RORA: variants seen among roughly 807,000 people sequenced by gnomAD.
The protein encoded by RORA is nuclear receptor ROR-alpha.
In RORA, 7 loss-of-function variants were observed where a neutral mutation model predicts 69.5. The ratio of observed to expected loss-of-function variants is 0.10; its 90% CI spans 0.06 to 0.19. The LOEUF (loss-of-function observed/expected upper bound fraction) is 0.19. RORA is among the 10% of genes least tolerant of loss of function. The pLI, the probability that RORA is intolerant of heterozygous loss-of-function variation, is 1.00. For missense variants in RORA, 457 were observed against 663.0 expected (o/e 0.69, Z 3.41); for synonymous variants, 261 against 240.8 (o/e 1.08, Z -0.78).
At chr15:60,615,648 C>A (rs965949019) in intron 2 of RORA, among the ~76,000 whole-genome samples, 2 of 152,210 alleles carry the variant, frequency 1.3e-5, no homozygotes, top group African/African-American at 4.8e-5. Context: ...TCCCTGCCAG[C>A]CTAGCTCATA....
chr15:61,123,691 T>C (rs952638534), intron 1 of RORA, among the ~76,000 whole-genome samples: 1 of 152,182 alleles, frequency 6.6e-6, no homozygotes, highest in African/African-American at 2.4e-5. Flanking sequence ...TTTTTAACTG[T>C]CCCTTCCCCG....
intron 1 of RORA, among the ~76,000 whole-genome samples, chr15:60,740,010 T>C (rs1014701763): frequency 1.3e-5 from 2 of 152,126 alleles, no homozygotes; most frequent in African/African-American, 4.8e-5. Context: ...CCATCTCCCC[T>C]GGACACCAAC....
intron 2 of RORA, among the ~76,000 whole-genome samples, chr15:60,639,710 C>T (rs538850749): frequency 6.6e-6 from 1 of 152,244 alleles, no homozygotes; most frequent in African/African-American, 2.4e-5. Flanking sequence ...GGAGGGGAGG[C>T]GGGCTCCTGT....
chr15:60,811,765 T>C (rs562543114), intron 1 of RORA, among the ~76,000 whole-genome samples: 1 of 152,150 alleles, frequency 6.6e-6, no homozygotes. Flanking sequence ...TCCTGCCCAA[T>C]GGATTTATAA....
chr15:60,893,992 C>T (rs1298795614), intron 1 of RORA, among the ~76,000 whole-genome samples: 2 of 152,298 alleles, frequency 1.3e-5, no homozygotes, highest in South Asian at 4.2e-4. Context: ...GCTGCCACCT[C>T]GGCCGAGCAG....
chr15:60,721,807 A>G (rs1016113273), intron 1 of RORA, among the ~76,000 whole-genome samples: 1 of 152,264 alleles, frequency 6.6e-6, no homozygotes, highest in African/African-American at 2.4e-5. Context: ...AATTTGAGCA[A>G]AGATTATTTC....
chr15:61,161,360 C>T (rs2079494445), intron 1 of RORA, among the ~76,000 whole-genome samples: 1 of 152,104 alleles, frequency 6.6e-6, no homozygotes, highest in Non-Finnish European at 1.5e-5. Flanking sequence ...GAAGAATTTG[C>T]GTTTTGGATT....
At chr15:61,119,137 T>TCAGCTTATCCAGAGGGAGGA (rs2079078846) in intron 1 of RORA, among the ~76,000 whole-genome samples, 1 of 149,236 alleles carries the variant, frequency 6.7e-6, no homozygotes, top group African/African-American at 2.5e-5. Context: ...GAACAAGCAC[T>TCAGCTTATCCAGAGGGAGGA]CAGCTTATCC....
At chr15:60,574,140 C>G (rs2067959235) in intron 2 of RORA, among the ~76,000 whole-genome samples, 1 of 152,180 alleles carries the variant, frequency 6.6e-6, no homozygotes, top group East Asian at 1.9e-4. Context: ...GTTAGCCCAG[C>G]CCTGCGAGTC....
intron 1 of RORA, among the ~76,000 whole-genome samples, chr15:60,750,338 T>A (rs530116757): frequency 6.6e-6 from 1 of 152,342 alleles, no homozygotes; most frequent in East Asian, 1.9e-4. Context: ...AGGCATAAAC[T>A]AGCTAGCTAA....
intron 1 of RORA, among the ~76,000 whole-genome samples, chr15:61,023,039 T>A (rs536380373): frequency 1.3e-5 from 2 of 151,468 alleles, no homozygotes; most frequent in Admixed American, 6.6e-5. Context: ...ACAAAAAAAA[T>A]TAGCTGGGCG....
intron 1 of RORA, among the ~76,000 whole-genome samples, chr15:60,720,965 CGAACT>C (rs2071285951): frequency 6.6e-6 from 1 of 152,100 alleles, no homozygotes; most frequent in Non-Finnish European, 1.5e-5. Flanking sequence ...GTGGTACTCT[CGAACT>C]TACTACTTCC....
At chr15:60,840,264 G>C (rs910995547) in intron 1 of RORA, among the ~76,000 whole-genome samples, 6 of 152,236 alleles carry the variant, frequency 3.9e-5, no homozygotes. Flanking sequence ...GGAAAGGAAG[G>C]ATGCCTATTC....
chr15:61,036,488 C>T (rs1896464672), intron 1 of RORA, among the ~76,000 whole-genome samples: 1 of 152,082 alleles, frequency 6.6e-6, no homozygotes, highest in Non-Finnish European at 1.5e-5. Context: ...GGTGGGCGTC[C>T]CGTGCAGCAC....
chr15:61,000,501 T>C (rs1422181025), intron 1 of RORA, among the ~76,000 whole-genome samples: 1 of 152,106 alleles, frequency 6.6e-6, no homozygotes, highest in Non-Finnish European at 1.5e-5. Flanking sequence ...AAGGAGATCC[T>C]TGTCCAGGGA....
intron 1 of RORA, among the ~76,000 whole-genome samples, chr15:60,709,853 G>A (rs965280049): frequency 7.2e-5 from 11 of 152,004 alleles, no homozygotes; most frequent in Admixed American, 6.6e-4. Context: ...CAACACTCCT[G>A]CCCCACTCTG....
chr15:60,655,297 G>A (rs959064236), intron 2 of RORA, among the ~76,000 whole-genome samples: 3 of 152,124 alleles, frequency 2.0e-5, no homozygotes, highest in African/African-American at 7.2e-5. Context: ...TCAGAAGGGT[G>A]TACAGTTACC....
At chr15:61,127,256 T>C (rs531921816) in intron 1 of RORA, among the ~76,000 whole-genome samples, 59 of 152,298 alleles carry the variant, frequency 3.9e-4, no homozygotes, top group Non-Finnish European at 7.1e-4. Flanking sequence ...TGTCTCATCA[T>C]GGAGTAAGTT....
chr15:60,663,815 G>A (rs193073591), intron 2 of RORA, among the ~76,000 whole-genome samples: 93 of 152,290 alleles, frequency 6.1e-4, no homozygotes, highest in African/African-American at 2.1e-3. Context: ...AATCATGTAC[G>A]ATATGTAGAT....
Sources: gnomAD v4.1 joint callset for allele counts (sites outside exome capture counted in the v4.1 genomes callset) on GRCh38, gnomAD v4.1.1 for gene constraint, MANE v1.5 for transcripts, NCBI Gene and HGNC (gene_info 2026-07-23, HGNC 2026-07-21) for gene names.